Variants in GLRA3 observed in about 807,000 individuals in gnomAD.
GLRA3 encodes glycine receptor alpha 3.
A neutral mutation model predicts 60.4 loss-of-function variants in GLRA3; 44 were observed. The observed-to-expected ratio is 0.73, with a 90% CI of 0.57 to 0.94. GLRA3 has a LOEUF of 0.94. Among genes scored for constraint, GLRA3 ranks in the 40% least tolerant of loss-of-function variants. The pLI is 0.00. For missense variants in GLRA3, 508 were observed against 564.6 expected (o/e 0.90, Z 1.02); for synonymous variants, 223 against 192.9 (o/e 1.16, Z -1.29).
chr4:174,818,321 G>A (rs1740590917), intron 1 of GLRA3, among the ~76,000 whole-genome samples: 1 of 152,030 alleles, frequency 6.6e-6, no homozygotes, highest in African/African-American at 2.4e-5. Flanking sequence ...CTAGGAATTT[G>A]AATTTTTTTC....
chr4:174,800,607 C>T (rs948687875), intron 1 of GLRA3, among the ~76,000 whole-genome samples: 3 of 151,944 alleles, frequency 2.0e-5, no homozygotes, highest in Non-Finnish European at 4.4e-5. Context: ...CCAAACCCCC[C>T]CCGCCAAAAA....
chr4:174,743,002 AATATCCATAGCTGTTGTGGG>A (rs1412822263), intron 3 of GLRA3, among the ~76,000 whole-genome samples: 2 of 152,198 alleles, frequency 1.3e-5, no homozygotes, highest in Non-Finnish European at 2.9e-5. Flanking sequence ...TCTGTTGTGG[AATATCCATAGCTGTTGTGGG>A]ATAAAAATTA....
chr4:174,701,310 C>T (rs1218475688), intron 5 of GLRA3, among the ~76,000 whole-genome samples: 1 of 152,108 alleles, frequency 6.6e-6, no homozygotes, highest in African/African-American at 2.4e-5. Flanking sequence ...GGATGACAGC[C>T]CACCTGTTTA....
At chr4:174,698,277 A>C (rs1735142487) in intron 5 of GLRA3, among the ~76,000 whole-genome samples, 1 of 151,978 alleles carries the variant, frequency 6.6e-6, no homozygotes, top group African/African-American at 2.4e-5. Context: ...CTGTAGCATC[A>C]AACTCCGGGA....
At chr4:174,703,999 T>A (rs1235204164) in intron 5 of GLRA3, among the ~76,000 whole-genome samples, 2 of 147,568 alleles carry the variant, frequency 1.4e-5, no homozygotes, top group Non-Finnish European at 3.0e-5. Flanking sequence ...TGAGAATTAA[T>A]TAAGGATGAA....
rs1265611420 is a variant in GLRA3, at chr4:174,640,716, T to C, written c.*3070A>G. On this transcript the variant is annotated 3_prime_UTR_variant, in exon 10 of 10. Coordinates refer to ENST00000274093, the MANE Select transcript of GLRA3 (RefSeq NM_006529.4). Reference sequence around the variant, plus strand: ...GGGTATTCATAAACTAATACATGAATTCATGTCTTAGGGATATATAAATAT... The same window carrying C: ...GGGTATTCATAAACTAATACATGAACTCATGTCTTAGGGATATATAAATAT... 1 of 152,010 alleles carries C rather than the reference T, an allele frequency of 6.6e-6. No homozygotes were observed. Among genetic ancestry groups the C allele is most frequent in the Non-Finnish European group, 1.5e-5 (1 of 67,970 alleles). The allele number at this position is 152,010 out of a possible 1,614,324, so 9.4% of individuals were successfully genotyped here.
At chr4:174,688,124 A>G (rs1255997890) in intron 5 of GLRA3, among the ~76,000 whole-genome samples, 1 of 151,636 alleles carries the variant, frequency 6.6e-6, no homozygotes, top group Non-Finnish European at 1.5e-5. Flanking sequence ...TGTTTACAGA[A>G]AAAAAAGGAA....
At chr4:174,660,061 T>C (rs902429889) in intron 7 of GLRA3, among the ~76,000 whole-genome samples, 2 of 151,724 alleles carry the variant, frequency 1.3e-5, no homozygotes, top group Admixed American at 1.3e-4. Flanking sequence ...TGTGTGTGTA[T>C]ATATATATAC....
In GLRA3 at chr4:174,728,715, A is replaced by G. The variant is rs541978505; in HGVS notation, c.268-17T>C. ...TCTGTAATCCTATGATAAAATAATG[A>G]AAGAAAGAAAAAAAAAAACCCTGCT... On this transcript the variant is annotated splice_polypyrimidine_tract_variant and intron_variant, in intron 3 of 9. Coordinates refer to ENST00000274093, the MANE Select transcript of GLRA3 (RefSeq NM_006529.4). 3.6e-6 allele frequency: 5 copies of G among 1,387,662 alleles called. No individual in the cohort carries two copies. The highest frequency in any genetic ancestry group is 2.1e-4 in the Middle Eastern group (1 of 4,872). The allele number at this position is 1,387,662 out of a possible 1,614,324, so 86.0% of individuals were successfully genotyped here. A position where few individuals can be genotyped will look rare whatever the true frequency, so the allele number is the denominator to read the frequency against.
intron 4 of GLRA3, among the ~76,000 whole-genome samples, chr4:174,724,418 G>A (rs1287104229): frequency 6.6e-6 from 1 of 151,908 alleles, no homozygotes; most frequent in African/African-American, 2.4e-5. Context: ...ACCACAGAAG[G>A]GCTATTAGAC....
chr4:174,713,043 A>T (rs1735780879), intron 5 of GLRA3, among the ~76,000 whole-genome samples: 1 of 152,042 alleles, frequency 6.6e-6, no homozygotes, highest in Non-Finnish European at 1.5e-5. Context: ...TAAGAAAAAA[A>T]CGCCTTGAAG....
chr4:174,757,428 C>CCT lies in GLRA3; in HGVS notation c.267+9534_267+9535insAG, dbSNP rs879787988. 9.9e-3 allele frequency among the ~76,000 whole-genome samples: 1,513 copies of CCT among 152,178 alleles called. 60 individuals carry two copies. In the East Asian group the frequency reaches 0.1, roughly 10 times the overall value. On this transcript the variant is annotated intron_variant, in intron 3 of 9. Coordinates refer to ENST00000274093, the MANE Select transcript of GLRA3 (RefSeq NM_006529.4). ...AGAAAAAGAATTCTTGCAGAAATGA[C>CCT]TGATCTATGGTTGGGGTGGGAAAAA...
At chr4:174,663,397 G>A (rs938404765) in intron 7 of GLRA3, among the ~76,000 whole-genome samples, 2 of 152,078 alleles carry the variant, frequency 1.3e-5, no homozygotes, top group African/African-American at 4.8e-5. Context: ...ATTCCTGAAC[G>A]AATATGACTC....
At chr4:174,817,226 G>C (rs2111386415) in intron 1 of GLRA3, among the ~76,000 whole-genome samples, 1 of 152,296 alleles carries the variant, frequency 6.6e-6, no homozygotes, top group East Asian at 1.9e-4. Context: ...TTAAAGAGAA[G>C]CCTCTTCGTT....
At chr4:174,665,237 CTTTT>C (rs34499494) in intron 7 of GLRA3, among the ~76,000 whole-genome samples, 240 of 127,448 alleles carry the variant, frequency 1.9e-3, no homozygotes, top group Middle Eastern at 4.1e-3. Context: ...TTTGTATTTA[CTTTT>C]TTTTTTTTTT....
At chr4:174,748,924 A>G (rs1173036365) in intron 3 of GLRA3, among the ~76,000 whole-genome samples, 1 of 152,134 alleles carries the variant, frequency 6.6e-6, no homozygotes, top group Non-Finnish European at 1.5e-5. Context: ...AATTACATGC[A>G]CTTGTGGGAG....
intron 5 of GLRA3, among the ~76,000 whole-genome samples, chr4:174,703,913 G>A (rs974677446): frequency 6.6e-6 from 1 of 152,046 alleles, no homozygotes; most frequent in African/African-American, 2.4e-5. Context: ...CCAAAGTTTT[G>A]AAAAAGCATT....
At position 174,680,060 on chromosome 4, in the gene GLRA3, C is replaced by T. The variant is rs148246816; in HGVS notation, c.712+2742G>A. ...ATGAGGTGATAGATGTCCCAATTAC[C>T]CAGATTTGATCATTACAGATTTTAT... On this transcript the variant is annotated intron_variant, in intron 6 of 9. Coordinates refer to ENST00000274093, the MANE Select transcript of GLRA3 (RefSeq NM_006529.4). Among the ~76,000 whole-genome samples, 985 of 152,218 alleles carry T rather than the reference C, an allele frequency of 6.5e-3. 12 individuals carry two copies. Among genetic ancestry groups the T allele is most frequent in the African/African-American group, 0.023 (936 of 41,542 alleles).
At chr4:174,697,196 A>T (rs561015094) in intron 5 of GLRA3, among the ~76,000 whole-genome samples, 25 of 152,326 alleles carry the variant, frequency 1.6e-4, no homozygotes, top group Admixed American at 1.5e-3. Context: ...GAGTTTAAAG[A>T]TTTACTAATA....
Sources: gnomAD v4.1 joint callset for allele counts (sites outside exome capture counted in the v4.1 genomes callset) on GRCh38, gnomAD v4.1.1 for gene constraint, MANE v1.5 for transcripts, NCBI Gene and HGNC (gene_info 2026-07-23, HGNC 2026-07-21) for gene names.